Variants in PEX11B observed in about 807,000 individuals in gnomAD.
PEX11B encodes peroxisomal biogenesis factor 11 beta.
In PEX11B, 18 loss-of-function variants were observed where a neutral mutation model predicts 28.2. The ratio of observed to expected loss-of-function variants is 0.64; its 90% CI spans 0.44 to 0.95. The LOEUF (loss-of-function observed/expected upper bound fraction) is 0.95. PEX11B is among the 40% of genes least tolerant of loss of function. The pLI, the probability that PEX11B is intolerant of heterozygous loss-of-function variation, is 0.00. For missense variants in PEX11B, 305 were observed against 319.8 expected (o/e 0.95, Z 0.35); for synonymous variants, 128 against 128.7 (o/e 0.99, Z 0.04).
chr1:145,917,081 GA>G, intron 2 of PEX11B, 63 bp from the exon 3 acceptor site: 1 of 1,084,760 alleles, frequency 9.2e-7, no homozygotes, highest in Non-Finnish European at 1.4e-6. Flanking sequence ...ACAAGAAACA[GA>G]AACAGAGAAA....
chr1:145,916,379 C>A, intron 3 of PEX11B, among the ~76,000 whole-genome samples: 2 of 152,252 alleles, frequency 1.3e-5, no homozygotes, highest in Middle Eastern at 6.8e-3. Context: ...CATACTTTTC[C>A]ACAAATATAT....
At chr1:145,913,256 C>T (rs1325976775) in intron 3 of PEX11B, among the ~76,000 whole-genome samples, 2 of 151,916 alleles carry the variant, frequency 1.3e-5, no homozygotes, top group African/African-American at 4.8e-5. Context: ...CTATAGTTAA[C>T]AATACTGTAT....
Position 145,911,913 on chromosome 1 carries a change from T to G in PEX11B, c.*248A>C. 2.8e-6 allele frequency: 1 copy of G among 354,244 alleles called. No homozygotes were observed. Among genetic ancestry groups the G allele is most frequent in the East Asian group, 4.6e-5 (1 of 21,978 alleles). 21.9% of individuals were successfully genotyped at this position (354,244 alleles called of 1,614,324 possible). A position where few individuals can be genotyped will look rare whatever the true frequency, so the allele number is the denominator to read the frequency against. ...AGTTAAGAGACACAAAGTAAATATA[T>G]TCAAGAGAGACACAAAGAAAGAGGA... is the stretch of plus-strand genomic sequence containing the variant. On this transcript the variant is annotated 3_prime_UTR_variant, in exon 4 of 4. Transcript: ENST00000369306.
chr1:145,913,896 A>C (rs1647230113), intron 3 of PEX11B, among the ~76,000 whole-genome samples: 1 of 152,164 alleles, frequency 6.6e-6, no homozygotes, highest in Non-Finnish European at 1.5e-5. Flanking sequence ...TCCTGAACCC[A>C]ACCAACCACA....
In PEX11B at chr1:145,912,434, T is replaced by C. The variant is rs1553753286; in HGVS notation, c.507A>G (p.Glu169=). 1 of 1,569,606 alleles carries C rather than the reference T, an allele frequency of 6.4e-7. No individual in the cohort carries two copies. Among genetic ancestry groups the C allele is most frequent in the African/African-American group, 1.4e-5 (1 of 73,670 alleles). The change falls in exon 4 of 4, where the codon GAA becomes GAG. Residue 169 remains glutamate, a synonymous_variant. Coordinates refer to ENST00000369306, the MANE Select transcript of PEX11B (RefSeq NM_003846.3). Reference sequence around the variant, plus strand: ...TCCCTGGTCCCCCAAGTCCCCCAGTTTCACTTCCTCCTGGGACTCCTCCTC... The same window carrying C: ...TCCCTGGTCCCCCAAGTCCCCCAGTCTCACTTCCTCCTGGGACTCCTCCTC... ...GSGGGVPGGS[E]TGGLGGPGTP... is the part of the protein sequence containing the mutation.
rs1396585385 is a variant in PEX11B at position 145,912,120 on chromosome 1, T to C, written c.*41A>G. 5 of 1,448,540 alleles carry C rather than the reference T, an allele frequency of 3.5e-6. No individual in the cohort carries two copies. Among genetic ancestry groups the C allele is most frequent in the Non-Finnish European group, 2.8e-6 (3 of 1,082,554 alleles). 89.7% of individuals were successfully genotyped at this position (1,448,540 alleles called of 1,614,324 possible). On this transcript the variant is annotated 3_prime_UTR_variant, in exon 4 of 4. Coordinates refer to ENST00000369306, the MANE Select transcript of PEX11B (RefSeq NM_003846.3). ...ACATGGGGGACGATCTAAGATTCCATCTCACCAATTCAGGTCCCCTCCTTA... is the reference window on the plus strand; with the variant it reads ...ACATGGGGGACGATCTAAGATTCCACCTCACCAATTCAGGTCCCCTCCTTA...
At chr1:145,918,014 T>G (rs1461066453) in intron 1 of PEX11B, 198 bp from the exon 2 acceptor site, 4 of 983,814 alleles carry the variant, frequency 4.1e-6, no homozygotes, top group Non-Finnish European at 4.8e-6. Context: ...TAGAAAGGGG[T>G]GGGGAGCACT....
At chr1:145,915,222 C>T (rs978829350) in intron 3 of PEX11B, among the ~76,000 whole-genome samples, 5 of 152,134 alleles carry the variant, frequency 3.3e-5, no homozygotes, top group African/African-American at 1.2e-4. Context: ...TTATCTTTAA[C>T]CACTGTATCC....
chr1:145,918,583 C>T, intron 1 of PEX11B, 50 bp downstream of exon 1: 1 of 1,569,774 alleles, frequency 6.4e-7, no homozygotes, highest in East Asian at 2.3e-5. Context: ...CTAGAGTCTT[C>T]CTCTGTCCAT....
chr1:145,916,717 T>C (rs890893879), intron 3 of PEX11B, 100 bp downstream of exon 3: 71 of 834,758 alleles, frequency 8.5e-5, no homozygotes, highest in African/African-American at 7.6e-4. Context: ...AAGACTTATA[T>C]ACTCTGGAAA....
chr1:145,912,559 A>C lies in PEX11B; in HGVS notation c.382T>G (p.Leu128Val). ...KWAQRSFRYY[L>V]FSLIMNLSRD... Reference sequence around the variant, plus strand: ...CTCAAATTCATGATGAGGGAAAACAAATAGTACCTGATACACAGAGCAAAA... The same window carrying C: ...CTCAAATTCATGATGAGGGAAAACACATAGTACCTGATACACAGAGCAAAA... The change falls in exon 4 of 4, where the codon TTG (leucine) becomes GTG (valine). Residue 128 changes from leucine (L) to valine (V), a missense_variant. Physicochemically the swap from Leu to Val is conservative, Grantham distance 32. Transcript: ENST00000369306. 1 of 1,495,886 alleles carries C rather than the reference A, an allele frequency of 6.7e-7. No homozygotes were observed. The highest frequency in any genetic ancestry group is 8.9e-7 in the Non-Finnish European group (1 of 1,122,194). 92.7% of individuals were successfully genotyped at this position (1,495,886 alleles called of 1,614,324 possible). A position where few individuals can be genotyped will look rare whatever the true frequency, so the allele number is the denominator to read the frequency against.
Position 145,918,692 on chromosome 1 carries a change from A to T in PEX11B, c.-4T>A. 5.7e-6 allele frequency: 9 copies of T among 1,572,920 alleles called. No homozygotes were observed. Among genetic ancestry groups the T allele is most frequent in the Non-Finnish European group, 7.8e-6 (9 of 1,159,872 alleles). On this transcript the variant is annotated 5_prime_UTR_variant, in exon 1 of 4. Coordinates refer to ENST00000369306, the MANE Select transcript of PEX11B (RefSeq NM_003846.3). The stretch of plus-strand genomic sequence containing the variant: ...TGAAGCGGACCCAGGCGTCCATGAC[A>T]GCCGCAGCCCAGGCTCCGCGGCCCT...
Position 145,912,527 on chromosome 1 carries a change from A to C in PEX11B, c.414T>G (p.Asp138Glu), listed in dbSNP as rs782216010. The stretch of plus-strand genomic sequence containing the variant: ...CCATCAGTAGGCGAATCTCATAAGC[A>C]TCACGGCTCAAATTCATGATGAGGG... ...LFSLIMNLSRDAYEIRLLMEQ... is the reference protein window; with the variant it reads ...LFSLIMNLSREAYEIRLLMEQ... The change falls in exon 4 of 4, where the codon GAT (aspartate) becomes GAG (glutamate). Residue 138 changes from aspartate (D) to glutamate (E), a missense_variant. Coordinates refer to ENST00000369306, the MANE Select transcript of PEX11B (RefSeq NM_003846.3). The C allele has an allele frequency of 6.7e-7, 1 of 1,493,750 alleles. No individual in the cohort carries two copies. The highest frequency in any genetic ancestry group is 8.9e-7 in the Non-Finnish European group (1 of 1,121,472). 92.5% of individuals were successfully genotyped at this position (1,493,750 alleles called of 1,614,324 possible). A position where few individuals can be genotyped will look rare whatever the true frequency, so the allele number is the denominator to read the frequency against.
At chr1:145,913,592 AACACACAC>A (rs56031424) in intron 3 of PEX11B, among the ~76,000 whole-genome samples, 33 of 142,784 alleles carry the variant, frequency 2.3e-4, no homozygotes, top group African/African-American at 6.8e-4. Context: ...TCCACTTGGC[AACACACAC>A]ACACACACAC....
In PEX11B at chr1:145,918,663, G is replaced by T. The variant is rs781914787; in HGVS notation, c.26C>A (p.Ala9Asp). The stretch of plus-strand genomic sequence containing the variant: ...CAGCCGCTCCCGGGCTTGGCTCTGA[G>T]CACTGAAGCGGACCCAGGCGTCCAT... MDAWVRFSAQSQARERLCR... is the reference protein window; with the variant it reads MDAWVRFSDQSQARERLCR... The change falls in exon 1 of 4, where the codon GCT becomes GAT. Residue 9 changes from alanine to aspartate, a missense_variant. Physicochemically the swap from Ala to Asp is moderately radical, Grantham distance 126. Transcript: ENST00000369306. The T allele has an allele frequency of 6.3e-7, 1 of 1,590,622 alleles. No homozygotes were observed. The highest frequency in any genetic ancestry group is 2.3e-5 in the East Asian group (1 of 44,026).
In PEX11B at chr1:145,917,010, G is replaced by A. The variant is rs781896167; in HGVS notation, c.181C>T (p.Leu61=). 1 of 1,608,722 alleles carries A rather than the reference G, an allele frequency of 6.2e-7. No individual in the cohort carries two copies. ...HLSLGRKLLR[L]GNSADALESA... Reference sequence around the variant, plus strand: ...TCAAGGGCATCTGCTGAGTTACCCAGGCGTAGAACTTGTGGAGATTAGAAA... The same window carrying A: ...TCAAGGGCATCTGCTGAGTTACCCAAGCGTAGAACTTGTGGAGATTAGAAA... The change falls in exon 3 of 4, where the codon CTG becomes TTG. Residue 61 remains leucine (L), a synonymous_variant. Coordinates refer to ENST00000369306, the MANE Select transcript of PEX11B (RefSeq NM_003846.3).
At position 145,911,947 on chromosome 1, in the gene PEX11B, G is replaced by C; in HGVS notation, c.*214C>G. The C allele has an allele frequency of 2.4e-6, 1 of 409,006 alleles. No homozygotes were observed. Among genetic ancestry groups the C allele is most frequent in the Non-Finnish European group, 4.3e-6 (1 of 231,674 alleles). 25.3% of individuals were successfully genotyped at this position (409,006 alleles called of 1,614,324 possible). On this transcript the variant is annotated 3_prime_UTR_variant, in exon 4 of 4. Coordinates refer to ENST00000369306, the MANE Select transcript of PEX11B (RefSeq NM_003846.3). ...GACACAAAGAAAGAGGAAAAGAACA[G>C]AAGCTCAGGCACATCTAGAAATTAG...
Position 145,917,022 on chromosome 1 carries a change from G to C in PEX11B, c.173-4C>G. ...GCTGAGTTACCCAGGCGTAGAACTT[G>C]TGGAGATTAGAAAGGGAAAGCAAGG... On this transcript the variant is annotated splice_region_variant and splice_polypyrimidine_tract_variant and intron_variant, in intron 2 of 3. Transcript: ENST00000369306. 6.3e-7 allele frequency: 1 copy of C among 1,596,794 alleles called. No homozygotes were observed. The highest frequency in any genetic ancestry group is 8.6e-7 in the Non-Finnish European group (1 of 1,164,300).
rs150545856 is a variant in PEX11B at position 145,912,457 on chromosome 1, C to G, written c.484G>C (p.Gly162Arg). Residue 162 changes from glycine (G) to arginine (R), a missense_variant, in exon 4 of 4, where the codon GGA becomes CGA. Coordinates refer to ENST00000369306, the MANE Select transcript of PEX11B (RefSeq NM_003846.3). ...GTTTCACTTCCTCCTGGGACTCCTC[C>G]TCCAGAACCTTTCAGTCGCCGGCTA... Reference protein sequence around the residue: ...ACSRRLKGSGGGVPGGSETGG... With the variant: ...ACSRRLKGSGRGVPGGSETGG... The G allele has an allele frequency of 3.9e-6, 6 of 1,527,134 alleles. No individual in the cohort carries two copies. Among genetic ancestry groups the G allele is most frequent in the Middle Eastern group, 1.8e-4 (1 of 5,660 alleles). 94.6% of individuals were successfully genotyped at this position (1,527,134 alleles called of 1,614,324 possible).
Sources: gnomAD v4.1 joint callset for allele counts (sites outside exome capture counted in the v4.1 genomes callset) on GRCh38, gnomAD v4.1.1 for gene constraint, MANE v1.5 for transcripts, NCBI Gene and HGNC (gene_info 2026-07-23, HGNC 2026-07-21) for gene names.